TET1: variants seen among roughly 807,000 people sequenced by gnomAD.
TET1 encodes tet methylcytosine dioxygenase 1.
Under a neutral mutation model 148.7 loss-of-function variants are expected in TET1, and 13 were observed. The ratio of observed to expected loss-of-function variants is 0.09; its 90% CI spans 0.06 to 0.14. The LOEUF (loss-of-function observed/expected upper bound fraction) is 0.14. Ranked by LOEUF, TET1 falls within the 10% of genes least tolerant of loss-of-function variation. The pLI, the probability that TET1 is intolerant of heterozygous loss-of-function variation, is 1.00. For synonymous variants in TET1, 907 were observed against 937.2 expected (o/e 0.97, Z 0.59); for missense variants, 2,182 against 2,553.8 (o/e 0.85, Z 3.14).
chr10:68,648,817 T>A (rs2054888854), intron 4 of TET1, among the ~76,000 whole-genome samples: 2 of 152,220 alleles, frequency 1.3e-5, no homozygotes, highest in South Asian at 2.1e-4. Context: ...CTCACTTTGT[T>A]ACTCAGACTG....
At chr10:68,686,744 T>C (rs747678011) in intron 11 of TET1, 37 bp downstream of exon 11, 2 of 1,553,900 alleles carry the variant, frequency 1.3e-6, no homozygotes, top group South Asian at 1.2e-5. Context: ...CTGCACAACT[T>C]TGATGGATAG....
At chr10:68,650,441 G>A (rs373777725) in intron 4 of TET1, among the ~76,000 whole-genome samples, 8 of 152,102 alleles carry the variant, frequency 5.3e-5, no homozygotes, top group East Asian at 1.9e-4. Context: ...TCAGGAGTTC[G>A]AGACCAGCCT....
At position 68,646,675 on chromosome 10, in the gene TET1, G is replaced by A. The variant is rs779743688; in HGVS notation, c.3946G>A (p.Asp1316Asn). ...CCAGTGTGCTAACGTGATGGCAGGC[G>A]ATGACCAAATACGGTTTCAGCAGGT... The part of the protein sequence containing the change: ...PNQCANVMAG[D>N]DQIRFQQVVK... Residue 1316 changes from aspartate (D) to asparagine (N), a missense_variant, in exon 4 of 12, where the codon GAT (aspartate) becomes AAT (asparagine). Around this residue, in one of 11 missense-constraint regions of TET1, gnomAD observed 582 missense variants for 599.5 expected, o/e 0.97. Transcript: ENST00000373644. 11 of 1,614,006 alleles carry A rather than the reference G, an allele frequency of 6.8e-6. No homozygotes were observed. Among genetic ancestry groups the A allele is most frequent in the Non-Finnish European group, 8.5e-6 (10 of 1,180,030 alleles).
intron 2 of TET1, among the ~76,000 whole-genome samples, chr10:68,576,878 A>G (rs2053736901): frequency 6.6e-6 from 1 of 151,168 alleles, no homozygotes; most frequent in African/African-American, 2.4e-5. Context: ...CATAGCTGGG[A>G]TTACAGGCAC....
At chr10:68,634,996 T>A (rs1330464513) in intron 3 of TET1, among the ~76,000 whole-genome samples, 1 of 151,788 alleles carries the variant, frequency 6.6e-6, no homozygotes, top group Non-Finnish European at 1.5e-5. Context: ...GGTTTCACCA[T>A]GTTGGCCAGG....
chr10:68,670,651 A>G (rs749904936), intron 7 of TET1, among the ~76,000 whole-genome samples: 67 of 151,960 alleles, frequency 4.4e-4, no homozygotes, highest in Non-Finnish European at 7.9e-4. Flanking sequence ...CTCTCCTTCC[A>G]TGTCTTTTTC....
rs756555621 is a variant in TET1, at chr10:68,611,861, G to GGA, written c.1968+10845_1968+10846dup. ...GGAGGTGGGGGGGGTGGGGAGAGAG[G>GGA]GAGAGAGAGAGAGAGAGAGGGAGGG... On this transcript the variant is annotated intron_variant, in intron 3 of 11. Transcript: ENST00000373644. Among the ~76,000 whole-genome samples the GGA allele has an allele frequency of 3.8e-3, 335 of 88,822 alleles. 4 individuals carry two copies. The highest frequency in any genetic ancestry group is 0.018 in the Middle Eastern group (3 of 166). 58.3% of individuals were successfully genotyped at this position (88,822 alleles called of 152,430 possible).
chr10:68,674,457 C>A (rs1275663628), intron 8 of TET1: 1 of 394,244 alleles, frequency 2.5e-6, no homozygotes, highest in Admixed American at 3.1e-5. Context: ...TGGGAAGACA[C>A]TAGTCACCAG....
At chr10:68,678,641 T>A (rs1394574077) in intron 8 of TET1, among the ~76,000 whole-genome samples, 1 of 151,932 alleles carries the variant, frequency 6.6e-6, no homozygotes, top group Non-Finnish European at 1.5e-5. Context: ...TTCCGGCTAC[T>A]CAAGTGCCTG....
intron 3 of TET1, among the ~76,000 whole-genome samples, chr10:68,621,127 A>G (rs1019602577): frequency 6.6e-6 from 1 of 152,018 alleles, no homozygotes; most frequent in African/African-American, 2.4e-5. Context: ...TCTTTGGGTA[A>G]TTATGGTTTT....
chr10:68,687,217 T>G (rs530038232), intron 11 of TET1, among the ~76,000 whole-genome samples: 1 of 149,062 alleles, frequency 6.7e-6, no homozygotes, highest in East Asian at 2.1e-4. Flanking sequence ...TATCCTTTTT[T>G]ATACTTTAAC....
chr10:68,687,287 C>T (rs2055528282), intron 11 of TET1, among the ~76,000 whole-genome samples: 1 of 151,972 alleles, frequency 6.6e-6, no homozygotes, highest in African/African-American at 2.4e-5. Flanking sequence ...TGGCTTGGCA[C>T]GCCTTGGCTT....
chr10:68,576,227 T>C (rs1201333685), intron 2 of TET1, among the ~76,000 whole-genome samples: 2 of 151,824 alleles, frequency 1.3e-5, no homozygotes, highest in Non-Finnish European at 2.9e-5. Flanking sequence ...GGTGCATGCC[T>C]GTAGTCCAAG....
At position 68,673,149 on chromosome 10, in the gene TET1, G is replaced by T. The variant is rs181834665; in HGVS notation, c.4824+104G>T. 4 of 837,722 alleles carry T rather than the reference G, an allele frequency of 4.8e-6. No individual in the cohort carries two copies. The African/African-American group carries it at 6.9e-5, about 15-fold the overall frequency. 51.9% of individuals were successfully genotyped at this position (837,722 alleles called of 1,614,324 possible). A position where few individuals can be genotyped will look rare whatever the true frequency, so the allele number is the denominator to read the frequency against. ...TGAAACACTATAAAAACTAAATATT[G>T]AAAAGTAGTAATCAAATAGTAAAAT... On this transcript the variant is annotated intron_variant, in intron 8 of 11. Coordinates refer to ENST00000373644, the MANE Select transcript of TET1 (RefSeq NM_030625.3).
At chr10:68,615,330 T>C (rs751832862) in intron 3 of TET1, among the ~76,000 whole-genome samples, 42 of 152,010 alleles carry the variant, frequency 2.8e-4, no homozygotes, top group Non-Finnish European at 4.7e-4. Flanking sequence ...TGAGAGTAAG[T>C]TTCAGAATGG....
At chr10:68,622,924 A>G (rs2054398165) in intron 3 of TET1, among the ~76,000 whole-genome samples, 2 of 152,076 alleles carry the variant, frequency 1.3e-5, no homozygotes, top group South Asian at 2.1e-4. Flanking sequence ...TAAATTTAGG[A>G]TATGCATTTT....
chr10:68,665,967 G>T (rs1414511999), intron 6 of TET1, among the ~76,000 whole-genome samples: 1 of 152,094 alleles, frequency 6.6e-6, no homozygotes, highest in Non-Finnish European at 1.5e-5. Context: ...TATGCTATTG[G>T]TTGCTCCATT....
chr10:68,672,487 CAA>C (rs71483920), intron 7 of TET1, among the ~76,000 whole-genome samples: 3 of 49,730 alleles, frequency 6.0e-5, no homozygotes, highest in Non-Finnish European at 9.6e-5. Flanking sequence ...GACCCCATCT[CAA>C]AAAAAAAAAA....
At chr10:68,590,736 G>A (rs2053909466) in intron 2 of TET1, among the ~76,000 whole-genome samples, 1 of 152,012 alleles carries the variant, frequency 6.6e-6, no homozygotes, top group South Asian at 2.1e-4. Context: ...TGTCTGCCTT[G>A]AGCCATGACT....
Sources: allele counts gnomAD v4.1 joint callset (sites outside exome capture counted in the v4.1 genomes callset), GRCh38; gene constraint gnomAD v4.1.1; regional missense constraint gnomAD v4.1.1; transcripts MANE v1.5; gene names NCBI Gene and HGNC (gene_info 2026-07-23, HGNC 2026-07-21).